The following RERE variants were observed in gnomAD, a reference collection of about 807,000 sequenced individuals.
RERE encodes the protein arginine-glutamic acid dipeptide repeats.
Under a neutral mutation model 146.1 loss-of-function variants are expected in RERE, and 40 were observed. That is an observed-to-expected ratio of 0.27 (90% CI 0.21 to 0.36). The LOEUF is 0.36. Ranked by LOEUF, RERE falls within the 10% of genes least tolerant of loss-of-function variation. RERE has a pLI of 1.00. For synonymous variants in RERE, 1,003 were observed against 866.0 expected (o/e 1.16, Z -2.78); for missense variants, 1,933 against 2,138.7 (o/e 0.90, Z 1.90).
chr1:8,798,082 G>A (rs1450173785), intron 1 of RERE, among the ~76,000 whole-genome samples: 2 of 152,136 alleles, frequency 1.3e-5, no homozygotes, highest in Non-Finnish European at 2.9e-5. Context: ...AACATAGCAA[G>A]ACCCCATTTC....
At chr1:8,507,737 CTTTTT>C (rs58647657) in intron 8 of RERE, among the ~76,000 whole-genome samples, 1 of 85,946 alleles carries the variant, frequency 1.2e-5, no homozygotes, top group African/African-American at 5.0e-5. Context: ...CATCTTTTAT[CTTTTT>C]TTTTTTTTTT....
chr1:8,360,832 G>A lies in RERE; in HGVS notation c.2675C>T (p.Ala892Val), dbSNP rs542632090. The change falls in exon 18 of 23, where the codon GCG (alanine) becomes GTG (valine). Residue 892 changes from alanine to valine, a missense_variant. Ala to Val is a moderately conservative substitution (Grantham distance 64). Transcript: ENST00000400908. ...CAGCTGCAGGGAGGTGTGAGGGTAC[G>A]CTGCTGCTGGGGAGGTCCCCAGAGG... Reference protein sequence around the residue: ...QAPLGTSPAAAYPHTSLQLPA... With the variant: ...QAPLGTSPAAVYPHTSLQLPA... 6.7e-5 allele frequency: 103 copies of A among 1,547,382 alleles called. No homozygotes were observed. The Middle Eastern group carries it at 1.3e-3, about 19-fold the overall frequency.
At chr1:8,608,655 A>G (rs1233032170) in intron 4 of RERE, among the ~76,000 whole-genome samples, 1 of 152,266 alleles carries the variant, frequency 6.6e-6, no homozygotes, top group Non-Finnish European at 1.5e-5. Context: ...TAAATCTAAT[A>G]TATGCCTATG....
rs572936848 is a variant in RERE at position 8,657,069 on chromosome 1, G to A, written c.-144-628C>T. Among the ~76,000 whole-genome samples the A allele has an allele frequency of 3.3e-5, 5 of 152,160 alleles. 1 individual carries two copies. In the East Asian group the frequency reaches 5.8e-4, roughly 18 times the overall value. On this transcript the variant is annotated intron_variant, in intron 1 of 22. Coordinates refer to ENST00000400908, the MANE Select transcript of RERE (RefSeq NM_001042681.2). ...TGTAATCCCAGCGCTTTGGGAGGCC[G>A]AGGAAGATGGATCACGGGGTCAGGA...
chr1:8,616,997 G>A (rs1190513928), intron 3 of RERE, among the ~76,000 whole-genome samples: 1 of 152,164 alleles, frequency 6.6e-6, no homozygotes, highest in Admixed American at 6.5e-5. Flanking sequence ...TGTGGCGGGA[G>A]GGGAGTATAG....
chr1:8,647,637 ATGTATG>A (rs1434460528), intron 2 of RERE, among the ~76,000 whole-genome samples: 39 of 59,360 alleles, frequency 6.6e-4, no homozygotes, highest in African/African-American at 2.2e-3. Flanking sequence ...TATTTAAAAT[ATGTATG>A]TGTGTGTGTG....
chr1:8,653,874 T>G (rs1196038251), intron 2 of RERE, among the ~76,000 whole-genome samples: 1 of 152,102 alleles, frequency 6.6e-6, no homozygotes, highest in Non-Finnish European at 1.5e-5. Flanking sequence ...TACTGTAACC[T>G]ACACACATCA....
intron 13 of RERE, among the ~76,000 whole-genome samples, 164 bp from the exon 14 acceptor site, chr1:8,365,002 G>C (rs1310760709): frequency 2.0e-5 from 3 of 152,224 alleles, no homozygotes; most frequent in Non-Finnish European, 4.4e-5. Context: ...AGGTAGGACA[G>C]TGTCTGCAAA....
intron 4 of RERE, among the ~76,000 whole-genome samples, chr1:8,566,896 T>G (rs1646159518): frequency 1.3e-5 from 2 of 151,876 alleles, no homozygotes; most frequent in East Asian, 3.9e-4. Flanking sequence ...GTTCCAGCAA[T>G]TCTCCTGCCT....
intron 1 of RERE, among the ~76,000 whole-genome samples, chr1:8,731,484 G>A (rs574141600): frequency 1.3e-5 from 2 of 152,146 alleles, no homozygotes; most frequent in East Asian, 1.9e-4. Context: ...CTCTTCGGAA[G>A]ATCACAGCCT....
chr1:8,489,756 T>C (rs1306031329), intron 10 of RERE, among the ~76,000 whole-genome samples: 1 of 152,130 alleles, frequency 6.6e-6, no homozygotes, highest in Non-Finnish European at 1.5e-5. Context: ...TGGAACCACT[T>C]TAGAAACCTG....
chr1:8,466,065 A>C, intron 10 of RERE, 42 bp from the exon 11 acceptor site: 4 of 1,503,426 alleles, frequency 2.7e-6, no homozygotes, highest in Non-Finnish European at 3.7e-6. Flanking sequence ...GCACCAAATA[A>C]CAGACAGGAC....
At chr1:8,754,523 CT>C (rs1407092728) in intron 1 of RERE, among the ~76,000 whole-genome samples, 6 of 152,186 alleles carry the variant, frequency 3.9e-5, no homozygotes, top group African/African-American at 1.4e-4. Context: ...TGTCTCAATG[CT>C]TTTCTAGGAA....
At chr1:8,362,980 C>G (rs1397728411) in intron 15 of RERE, 136 bp from the exon 16 acceptor site, 1 of 934,090 alleles carries the variant, frequency 1.1e-6, no homozygotes, top group Admixed American at 2.7e-5. Context: ...TGGCAAACAA[C>G]AGGCCGCCCT....
chr1:8,803,487 AAAG>A (rs1250261586), intron 1 of RERE, among the ~76,000 whole-genome samples: 1 of 152,182 alleles, frequency 6.6e-6, no homozygotes, highest in South Asian at 2.1e-4. Context: ...AAATAAAAAA[AAAG>A]AAGTCACTGT....
intron 1 of RERE, among the ~76,000 whole-genome samples, chr1:8,669,765 G>C (rs1365359789): frequency 6.6e-6 from 1 of 152,180 alleles, no homozygotes; most frequent in Non-Finnish European, 1.5e-5. Flanking sequence ...AGTAGATTAA[G>C]TTGGACAGGG....
intron 12 of RERE, among the ~76,000 whole-genome samples, chr1:8,382,815 T>C (rs998345655): frequency 6.6e-6 from 1 of 152,082 alleles, no homozygotes; most frequent in African/African-American, 2.4e-5. Flanking sequence ...AGACTCTCCT[T>C]ATCTAGAAAC....
At chr1:8,455,134 G>C (rs909182927) in intron 11 of RERE, among the ~76,000 whole-genome samples, 1 of 152,208 alleles carries the variant, frequency 6.6e-6, no homozygotes, top group African/African-American at 2.4e-5. Context: ...AGCCAGGAGG[G>C]ACACGGGGCA....
chr1:8,530,680 T>C (rs12724945), intron 7 of RERE, among the ~76,000 whole-genome samples: 1 of 56,028 alleles, frequency 1.8e-5, no homozygotes, highest in Admixed American at 1.7e-4. Context: ...TTTCGTTTTC[T>C]TTTTTTTTTT....
Sources: allele counts gnomAD v4.1 joint callset (sites outside exome capture counted in the v4.1 genomes callset), GRCh38; gene constraint gnomAD v4.1.1; transcripts MANE v1.5; gene names NCBI Gene and HGNC (gene_info 2026-07-23, HGNC 2026-07-21).